The following GRIN2B variants were observed in gnomAD, a reference collection of about 807,000 sequenced individuals.
The protein encoded by GRIN2B is glutamate ionotropic receptor NMDA type subunit 2B.
GRIN2B carries 5 observed loss-of-function variants against 114.5 expected under a neutral mutation model. The observed-to-expected ratio is 0.04, with a 90% CI of 0.02 to 0.09. The LOEUF (loss-of-function observed/expected upper bound fraction) is 0.09, where lower values mean the gene tolerates loss of function less well. Among genes scored for constraint, GRIN2B ranks in the 10% least tolerant of loss-of-function variants. The probability of loss-of-function intolerance (pLI) is 1.00; values close to 1 mark genes in which losing one functional copy is unlikely to be tolerated. For synonymous variants in GRIN2B, 787 were observed against 745.1 expected (o/e 1.06, Z -0.92); for missense variants, 1,108 against 1,943.5 (o/e 0.57, Z 8.08).
At chr12:13,621,682 T>C (rs1363293037) in intron 5 of GRIN2B, among the ~76,000 whole-genome samples, 3 of 125,412 alleles carry the variant, frequency 2.4e-5, no homozygotes, top group African/African-American at 9.4e-5. Context: ...TTTGGTTCTC[T>C]TGGTACAGGC....
chr12:13,572,900 T>C lies in GRIN2B; in HGVS notation c.2011-936A>G, dbSNP rs552411719. On this transcript the variant is annotated intron_variant, in intron 10 of 13. Transcript: ENST00000609686. ...CCCAAAGTGACCCATCAGAACCTGT[T>C]ATTCTTTGTTTAGATCACTGTAATC... Among the ~76,000 whole-genome samples the C allele has an allele frequency of 1.1e-4, 17 of 152,358 alleles. No homozygotes were observed. The South Asian group carries it at 3.5e-3, about 32-fold the overall frequency.
intron 5 of GRIN2B, among the ~76,000 whole-genome samples, chr12:13,651,413 G>GA (rs901948363): frequency 3.9e-5 from 6 of 152,032 alleles, no homozygotes; most frequent in Non-Finnish European, 7.4e-5. Flanking sequence ...ATTATTTTGG[G>GA]AAAAGAAACA....
At chr12:13,881,193 C>A (rs912590144) in intron 2 of GRIN2B, among the ~76,000 whole-genome samples, 3 of 152,200 alleles carry the variant, frequency 2.0e-5, no homozygotes, top group Admixed American at 2.0e-4. Flanking sequence ...ATGAACAACT[C>A]CACTTGCCGC....
intron 5 of GRIN2B, among the ~76,000 whole-genome samples, chr12:13,671,146 A>AT (rs933769433): frequency 6.6e-6 from 1 of 152,062 alleles, no homozygotes; most frequent in South Asian, 2.1e-4. Flanking sequence ...GTGCCATTTG[A>AT]TTTTTTACCA....
At chr12:13,855,049 G>GAA (rs3082840) in intron 3 of GRIN2B, among the ~76,000 whole-genome samples, 7,529 of 87,928 alleles carry the variant, frequency 0.086, 539 homozygotes, top group East Asian at 0.18. Context: ...CATCTCTACT[G>GAA]AAAAAAAAAA....
intron 2 of GRIN2B, among the ~76,000 whole-genome samples, chr12:13,902,409 A>G (rs915422252): frequency 1.3e-5 from 2 of 152,194 alleles, no homozygotes; most frequent in Non-Finnish European, 2.9e-5. Context: ...AATGCTTTAC[A>G]TTATTTTTTG....
chr12:13,672,194 G>T (rs369791215), intron 5 of GRIN2B, among the ~76,000 whole-genome samples: 1 of 152,228 alleles, frequency 6.6e-6, no homozygotes, highest in East Asian at 1.9e-4. Flanking sequence ...GACCCAAGAA[G>T]TCTTCTTAGT....
chr12:13,907,967 T>G (rs940294408), intron 2 of GRIN2B, among the ~76,000 whole-genome samples: 1 of 152,200 alleles, frequency 6.6e-6, no homozygotes, highest in Non-Finnish European at 1.5e-5. Context: ...TACAGTATTT[T>G]AAAATCCTAA....
chr12:13,919,118 C>T (rs1866780575), intron 2 of GRIN2B, among the ~76,000 whole-genome samples: 1 of 152,208 alleles, frequency 6.6e-6, no homozygotes, highest in South Asian at 2.1e-4. Context: ...CTACATTTAT[C>T]TGCCTGATTT....
intron 2 of GRIN2B, among the ~76,000 whole-genome samples, chr12:13,974,566 G>T (rs1473486658): frequency 6.6e-6 from 1 of 152,002 alleles, no homozygotes; most frequent in Non-Finnish European, 1.5e-5. Flanking sequence ...CTCCTAAAAT[G>T]ACCTGTCTTT....
intron 2 of GRIN2B, among the ~76,000 whole-genome samples, chr12:13,917,333 C>T (rs1050920032): frequency 3.3e-5 from 5 of 152,218 alleles, no homozygotes; most frequent in Non-Finnish European, 7.3e-5. Flanking sequence ...GAAAAGACCA[C>T]GCACTGCTGC....
intron 2 of GRIN2B, among the ~76,000 whole-genome samples, chr12:13,910,788 T>C (rs1340788082): frequency 6.6e-6 from 1 of 152,232 alleles, no homozygotes; most frequent in African/African-American, 2.4e-5. Context: ...ATGATCATTG[T>C]GGTTTGCATC....
At chr12:13,964,997 T>G (rs2136865984) in intron 2 of GRIN2B, among the ~76,000 whole-genome samples, 1 of 152,360 alleles carries the variant, frequency 6.6e-6, no homozygotes, top group Admixed American at 6.5e-5. Flanking sequence ...ATAGCATCTT[T>G]GGCATTGCCC....
At chr12:13,838,539 AC>A (rs1263436192) in intron 3 of GRIN2B, among the ~76,000 whole-genome samples, 2 of 151,978 alleles carry the variant, frequency 1.3e-5, no homozygotes, top group African/African-American at 4.8e-5. Context: ...TACAGCGCCA[AC>A]CTTCTGGCCT....
At chr12:13,855,195 G>A (rs1291983438) in intron 3 of GRIN2B, among the ~76,000 whole-genome samples, 2 of 152,150 alleles carry the variant, frequency 1.3e-5, no homozygotes, top group African/African-American at 4.8e-5. Context: ...TCCAGGCTGG[G>A]TGACAGAATG....
At chr12:13,778,636 T>A (rs1453610387) in intron 3 of GRIN2B, among the ~76,000 whole-genome samples, 1 of 152,200 alleles carries the variant, frequency 6.6e-6, no homozygotes, top group African/African-American at 2.4e-5. Context: ...ACCACATGAG[T>A]GCTTACCAGC....
At chr12:13,567,561 A>G (rs989788576) in intron 12 of GRIN2B, among the ~76,000 whole-genome samples, 4 of 152,226 alleles carry the variant, frequency 2.6e-5, no homozygotes, top group Non-Finnish European at 2.9e-5. Flanking sequence ...ATAAATTGGC[A>G]TATAAATAAT....
At chr12:13,764,660 C>A (rs978519393) in intron 3 of GRIN2B, among the ~76,000 whole-genome samples, 1 of 152,216 alleles carries the variant, frequency 6.6e-6, no homozygotes, top group Non-Finnish European at 1.5e-5. Context: ...GGTCTATTTA[C>A]TCATTTTTAT....
intron 5 of GRIN2B, among the ~76,000 whole-genome samples, chr12:13,665,167 TTGTGTG>T (rs3081936): frequency 0.068 from 10,179 of 149,578 alleles, 370 homozygotes; most frequent in Non-Finnish European, 0.083. Flanking sequence ...GTGTGTGTGT[TTGTGTG>T]TGTGTGTGTG....
Sources: allele counts gnomAD v4.1 joint callset (sites outside exome capture counted in the v4.1 genomes callset), GRCh38; gene constraint gnomAD v4.1.1; transcripts MANE v1.5; gene names NCBI Gene and HGNC (gene_info 2026-07-23, HGNC 2026-07-21).